NDUFA9: variants seen among roughly 807,000 people sequenced by gnomAD.
NDUFA9 encodes NADH dehydrogenase [ubiquinone] 1 alpha subcomplex subunit 9, mitochondrial.
Under a neutral mutation model 45.9 loss-of-function variants are expected in NDUFA9, and 23 were observed. The observed-to-expected ratio is 0.50, with a 90% CI of 0.36 to 0.71. The LOEUF (loss-of-function observed/expected upper bound fraction) is 0.71. Ranked by LOEUF, NDUFA9 falls within the 30% of genes least tolerant of loss-of-function variation. The pLI is 0.00. For synonymous variants in NDUFA9, 176 were observed against 170.5 expected, an observed-to-expected ratio of 1.03 and a Z score of -0.25; for missense variants, 466 against 488.2, an observed-to-expected ratio of 0.95 and a Z score of 0.43.
chr12:4,677,760 A>G (rs1945928769), intron 8 of NDUFA9, among the ~76,000 whole-genome samples: 1 of 152,190 alleles, frequency 6.6e-6, no homozygotes, highest in Non-Finnish European at 1.5e-5. Flanking sequence ...TAGAAATACC[A>G]TTTGACCCAG....
chr12:4,687,036 G>A lies in NDUFA9; in HGVS notation c.1062G>A (p.Arg354=). The part of the protein sequence containing the change: ...PLELKAIEVL[R]RHRTYRWLSA... ...AACTCAAGGCCATTGAGGTGCTGCG[G>A]CGTCATCGCACTTACCGCTGGCTGT... is the stretch of plus-strand genomic sequence containing the variant. The change falls in exon 11 of 11, where the codon CGG becomes CGA. Residue 354 remains arginine, a synonymous_variant. Coordinates refer to ENST00000266544, the MANE Select transcript of NDUFA9 (RefSeq NM_005002.5). The A allele has an allele frequency of 1.9e-6, 3 of 1,614,186 alleles. No homozygotes were observed. The highest frequency in any genetic ancestry group is 2.5e-6 in the Non-Finnish European group (3 of 1,180,038).
intron 6 of NDUFA9, among the ~76,000 whole-genome samples, chr12:4,663,249 G>A (rs1945834048): frequency 6.6e-6 from 1 of 151,792 alleles, no homozygotes; most frequent in African/African-American, 2.4e-5. Context: ...TTTCTATCTT[G>A]TTTTTCCCCC....
rs113207906 is a variant in NDUFA9, at chr12:4,684,439, C to T, written c.897-820C>T. Among the ~76,000 whole-genome samples, 943 of 152,224 alleles carry T rather than the reference C, an allele frequency of 6.2e-3. 15 individuals carry two copies. Among genetic ancestry groups the T allele is most frequent in the African/African-American group, 0.022 (904 of 41,534 alleles). Reference sequence around the variant, plus strand: ...CTTGGCCCCCCAGGACTCTGTGGGGCCCCAGCAAATTCCTAGTGTTCCTCA... The same window carrying T: ...CTTGGCCCCCCAGGACTCTGTGGGGTCCCAGCAAATTCCTAGTGTTCCTCA... On this transcript the variant is annotated intron_variant, in intron 9 of 10. Coordinates refer to ENST00000266544, the MANE Select transcript of NDUFA9 (RefSeq NM_005002.5).
At chr12:4,666,396 C>T (rs1027167546) in intron 6 of NDUFA9, among the ~76,000 whole-genome samples, 1 of 152,146 alleles carries the variant, frequency 6.6e-6, no homozygotes, top group East Asian at 1.9e-4. Flanking sequence ...TTGATGTAGT[C>T]AGGCTTATCT....
At position 4,659,976 on chromosome 12, in the gene NDUFA9, T is replaced by C. The variant is rs1046689579; in HGVS notation, c.552+799T>C. Among the ~76,000 whole-genome samples, 5 of 152,342 alleles carry C rather than the reference T, an allele frequency of 3.3e-5. No individual in the cohort carries two copies. The East Asian group carries it at 5.8e-4, about 18-fold the overall frequency. ...AATAGAGAGAAAATAAGAGAGAGAA[T>C]GCTTGTGCCTGCCTCTGCCCAAACA... On this transcript the variant is annotated intron_variant, in intron 5 of 10. Transcript: ENST00000266544.
intron 8 of NDUFA9, among the ~76,000 whole-genome samples, chr12:4,672,385 C>T (rs1945892584): frequency 6.6e-6 from 1 of 152,178 alleles, no homozygotes; most frequent in Non-Finnish European, 1.5e-5. Flanking sequence ...TGAGACAGAA[C>T]CTTTCACTCC....
At chr12:4,681,580 A>G (rs993534234) in intron 8 of NDUFA9, among the ~76,000 whole-genome samples, 5 of 148,260 alleles carry the variant, frequency 3.4e-5, no homozygotes, top group African/African-American at 2.5e-5. Flanking sequence ...ATATAATTAC[A>G]TATATATAAT....
At chr12:4,654,605 A>G (rs1171481924) in intron 2 of NDUFA9, 143 bp downstream of exon 2, 4 of 1,032,688 alleles carry the variant, frequency 3.9e-6, no homozygotes, top group Non-Finnish European at 4.1e-6. Context: ...ATTTGTTGTG[A>G]CATGAAGAGC....
At chr12:4,668,639 G>C in intron 7 of NDUFA9, 115 bp downstream of exon 7, 2 of 932,166 alleles carry the variant, frequency 2.1e-6, no homozygotes, top group Non-Finnish European at 3.5e-6. Context: ...TTGTCAACTT[G>C]TGTCAGCTAG....
In NDUFA9 at chr12:4,689,932, C is replaced by G. The variant is rs1172566447; in HGVS notation, c.*2824C>G. The G allele has an allele frequency of 6.5e-6, 1 of 154,718 alleles. No homozygotes were observed. The highest frequency in any genetic ancestry group is 2.4e-5 in the African/African-American group (1 of 41,462). The allele number at this position is 154,718 out of a possible 1,614,324, so 9.6% of individuals were successfully genotyped here. ...GTCGGCTGGCTGGGCGGAGGCGCCC[C>G]CCACACAAACACTGAAGCCGTAGCA... On this transcript the variant is annotated 3_prime_UTR_variant, in exon 11 of 11. Transcript: ENST00000266544.
chr12:4,673,829 T>C (rs566468976), intron 8 of NDUFA9, among the ~76,000 whole-genome samples: 8 of 152,128 alleles, frequency 5.3e-5, no homozygotes, highest in African/African-American at 1.9e-4. Flanking sequence ...ACCACAAAGA[T>C]ACTCCTCGAG....
At position 4,667,862 on chromosome 12, in the gene NDUFA9, C is replaced by CA. The variant is rs200146457; in HGVS notation, c.656-587dup. On this transcript the variant is annotated intron_variant, in intron 6 of 10. Coordinates refer to ENST00000266544, the MANE Select transcript of NDUFA9 (RefSeq NM_005002.5). ...AAAAAAGAAAAACAAACAAACAAAA[C>CA]AAAAAAAACTTTTTTAACCTAACAT... Among the ~76,000 whole-genome samples the CA allele has an allele frequency of 6.2e-3, 944 of 151,656 alleles. 15 individuals carry two copies. Among genetic ancestry groups the CA allele is most frequent in the African/African-American group, 0.022 (903 of 41,400 alleles).
intron 6 of NDUFA9, among the ~76,000 whole-genome samples, chr12:4,663,154 T>A (rs1413719382): frequency 1.3e-5 from 2 of 152,234 alleles, no homozygotes; most frequent in Non-Finnish European, 2.9e-5. Context: ...TTTCATAGCT[T>A]GATAGCTCAT....
chr12:4,672,070 G>A (rs1343312916), intron 8 of NDUFA9, among the ~76,000 whole-genome samples: 6 of 152,152 alleles, frequency 3.9e-5, no homozygotes, highest in African/African-American at 1.2e-4. Flanking sequence ...CTGGTTGGAC[G>A]GTGGGTGCAG....
chr12:4,664,514 C>T (rs1198939710), intron 6 of NDUFA9, among the ~76,000 whole-genome samples: 1 of 152,228 alleles, frequency 6.6e-6, no homozygotes, highest in African/African-American at 2.4e-5. Context: ...AAGGATGGGG[C>T]CATTGCCTCA....
chr12:4,660,598 G>A (rs1169204163), intron 5 of NDUFA9, among the ~76,000 whole-genome samples: 1 of 152,078 alleles, frequency 6.6e-6, no homozygotes, highest in Non-Finnish European at 1.5e-5. Flanking sequence ...TTAGTAATCT[G>A]GTAGAGAAGG....
intron 7 of NDUFA9, 110 bp from the exon 8 acceptor site, chr12:4,669,631 C>G: frequency 2.1e-5 from 13 of 622,192 alleles, no homozygotes; most frequent in Non-Finnish European, 3.1e-5. Flanking sequence ...CCTCCTTTCT[C>G]CTTCCTTCCT....
chr12:4,654,295 C>T lies in NDUFA9; in HGVS notation c.53C>T (p.Ser18Phe). 1 of 1,612,608 alleles carries T rather than the reference C, an allele frequency of 6.2e-7. No homozygotes were observed. The highest frequency in any genetic ancestry group is 1.6e-4 in the Middle Eastern group (1 of 6,062). ...RVVRVLSMSR[S>F]AITAIATSVC... ...ATACTTTGGGGTTTTGTTTAAGGTT[C>T]TGCCATTACTGCAATAGCCACATCT... Residue 18 changes from serine to phenylalanine, a missense_variant, in exon 2 of 11, where the codon TCT becomes TTT. Physicochemically the swap from Ser to Phe is radical, Grantham distance 155. Coordinates refer to ENST00000266544, the MANE Select transcript of NDUFA9 (RefSeq NM_005002.5).
At position 4,693,947 on chromosome 12, in the gene NDUFA9, T is replaced by C. The variant is rs1437272608; in HGVS notation, c.*6839T>C. 6.6e-6 allele frequency: 1 copy of C among 152,198 alleles called. No homozygotes were observed. Among genetic ancestry groups the C allele is most frequent in the Non-Finnish European group, 1.5e-5 (1 of 68,050 alleles). The allele number at this position is 152,198 out of a possible 1,614,324, so 9.4% of individuals were successfully genotyped here. On this transcript the variant is annotated 3_prime_UTR_variant, in exon 11 of 11. Transcript: ENST00000266544. ...TGATTGGGGAAAAACACATCTTTTC[T>C]GGGGCTAGACAGTCCATAAATAGGA...
Sources: gnomAD v4.1 joint callset for allele counts (sites outside exome capture counted in the v4.1 genomes callset) on GRCh38, gnomAD v4.1.1 for gene constraint, MANE v1.5 for transcripts, NCBI Gene and HGNC (gene_info 2026-07-23, HGNC 2026-07-21) for gene names.